The following RIMS1 variants were observed in gnomAD, a reference collection of about 807,000 sequenced individuals.
The protein encoded by RIMS1 is regulating synaptic membrane exocytosis 1, also known as regulating synaptic membrane exocytosis protein 1.
RIMS1 carries 83 observed loss-of-function variants against 214.1 expected under a neutral mutation model. That is an observed-to-expected ratio of 0.39 (90% CI 0.32 to 0.47). RIMS1 has a LOEUF of 0.47. RIMS1 is among the 20% of genes least tolerant of loss of function. The pLI is 0.99. For synonymous variants in RIMS1, 793 were observed against 786.8 expected (o/e 1.01, Z -0.13); for missense variants, 2,050 against 2,161.8 (o/e 0.95, Z 1.03).
intron 22 of RIMS1, among the ~76,000 whole-genome samples, chr6:72,272,236 A>G (rs1399856824): frequency 6.6e-5 from 10 of 152,188 alleles, no homozygotes; most frequent in Admixed American, 5.9e-4. Context: ...AGAGATAAAG[A>G]TTCTAATTTT....
At chr6:72,058,110 A>G (rs1562222066) in intron 2 of RIMS1, among the ~76,000 whole-genome samples, 1 of 152,362 alleles carries the variant, frequency 6.6e-6, no homozygotes, top group East Asian at 1.9e-4. Flanking sequence ...TAGGGAAACC[A>G]GCTGGTCCTC....
At chr6:72,039,882 A>G (rs1408262088) in intron 2 of RIMS1, among the ~76,000 whole-genome samples, 1 of 152,100 alleles carries the variant, frequency 6.6e-6, no homozygotes, top group Non-Finnish European at 1.5e-5. Context: ...TTAATATGGC[A>G]TTCTTTGGTG....
chr6:72,038,717 A>G (rs1261690087), intron 2 of RIMS1, among the ~76,000 whole-genome samples: 6 of 152,170 alleles, frequency 3.9e-5, no homozygotes, highest in Admixed American at 1.3e-4. Flanking sequence ...TTGTTCCTCA[A>G]AGGAAGAGTG....
chr6:72,098,324 A>G (rs769047363), intron 3 of RIMS1, among the ~76,000 whole-genome samples: 164 of 148,246 alleles, frequency 1.1e-3, no homozygotes, highest in Non-Finnish European at 8.6e-4. Flanking sequence ...CTTGAGACAG[A>G]GTCTTGCTCT....
intron 1 of RIMS1, among the ~76,000 whole-genome samples, chr6:71,950,176 G>C (rs76269555): frequency 6.6e-6 from 1 of 152,236 alleles, no homozygotes; most frequent in Non-Finnish European, 1.5e-5. Flanking sequence ...AGATGAAACA[G>C]ACATCATTGA....
chr6:72,245,029 C>T (rs1287175863), intron 10 of RIMS1, among the ~76,000 whole-genome samples: 1 of 151,714 alleles, frequency 6.6e-6, no homozygotes, highest in Non-Finnish European at 1.5e-5. Flanking sequence ...TAAAATAGTC[C>T]TATGCAGTAT....
At chr6:72,077,075 T>C (rs1168080737) in intron 2 of RIMS1, among the ~76,000 whole-genome samples, 2 of 152,182 alleles carry the variant, frequency 1.3e-5, no homozygotes, top group African/African-American at 2.4e-5. Flanking sequence ...CTCTTTCCTG[T>C]CCAGCCTTTG....
chr6:71,982,771 G>A (rs919182614), intron 2 of RIMS1, among the ~76,000 whole-genome samples: 5 of 151,968 alleles, frequency 3.3e-5, no homozygotes, highest in Admixed American at 2.0e-4. Context: ...ATACCCCTTG[G>A]CCTTTTGTCT....
chr6:72,269,247 A>G (rs1260128333), intron 22 of RIMS1, among the ~76,000 whole-genome samples: 7 of 151,870 alleles, frequency 4.6e-5, no homozygotes, highest in Non-Finnish European at 1.0e-4. Flanking sequence ...TACATTACCC[A>G]CCCTGTCACT....
intron 29 of RIMS1, among the ~76,000 whole-genome samples, chr6:72,342,961 A>G (rs2097145780): frequency 1.3e-5 from 2 of 151,822 alleles, no homozygotes; most frequent in African/African-American, 4.8e-5. Context: ...CAAATGAGGT[A>G]TTAACAAATG....
chr6:72,337,710 A>C (rs900509949), intron 29 of RIMS1, among the ~76,000 whole-genome samples: 13 of 149,338 alleles, frequency 8.7e-5, no homozygotes, highest in African/African-American at 3.2e-4. Context: ...ATTTAGCATT[A>C]GGTATATCTC....
chr6:72,304,743 C>T (rs1167998498), intron 26 of RIMS1, among the ~76,000 whole-genome samples: 2 of 151,790 alleles, frequency 1.3e-5, no homozygotes, highest in African/African-American at 4.8e-5. Context: ...CACTAAGGCA[C>T]ATGTCATTGG....
intron 1 of RIMS1, among the ~76,000 whole-genome samples, chr6:71,921,001 G>A (rs1779798584): frequency 6.6e-6 from 1 of 152,172 alleles, no homozygotes; most frequent in Non-Finnish European, 1.5e-5. Context: ...AATAACCAAA[G>A]CCATTCTTCT....
intron 6 of RIMS1, among the ~76,000 whole-genome samples, chr6:72,231,734 T>G (rs926037802): frequency 6.6e-6 from 1 of 151,714 alleles, no homozygotes; most frequent in African/African-American, 2.4e-5. Flanking sequence ...TAAAGTGTGT[T>G]GAGTATCACC....
chr6:72,316,722 G>T (rs1465559050), intron 28 of RIMS1: 2 of 650,234 alleles, frequency 3.1e-6, no homozygotes, highest in Non-Finnish European at 5.9e-6. Context: ...CTAGATCCCA[G>T]AGCAGCCTGG....
intron 2 of RIMS1, among the ~76,000 whole-genome samples, chr6:72,024,115 G>A (rs990818226): frequency 6.6e-6 from 1 of 152,066 alleles, no homozygotes; most frequent in Non-Finnish European, 1.5e-5. Flanking sequence ...GTGAACTTAC[G>A]AAGCAAAGTT....
chr6:72,182,924 C>A lies in RIMS1; in HGVS notation c.1453C>A (p.Arg485=). ...RLDPSSAVLM[R]KAKREKVETM... ...GGACCCCAGCTCGGCGGTCCTCATG[C>A]GGAAGGCCAAGCGCGAGAAGGTGGA... Residue 485 remains arginine, a synonymous_variant, in exon 6 of 34, where the codon CGG becomes AGG. Coordinates refer to ENST00000521978, the MANE Select transcript of RIMS1 (RefSeq NM_014989.7). 6.3e-7 allele frequency: 1 copy of A among 1,583,746 alleles called. No individual in the cohort carries two copies. The highest frequency in any genetic ancestry group is 1.8e-5 in the Admixed American group (1 of 55,578).
chr6:72,167,648 C>G (rs2046442305), intron 4 of RIMS1, among the ~76,000 whole-genome samples: 1 of 151,956 alleles, frequency 6.6e-6, no homozygotes, highest in Non-Finnish European at 1.5e-5. Context: ...TTTTCAGTTT[C>G]TTTTTTGCGT....
intron 4 of RIMS1, among the ~76,000 whole-genome samples, chr6:72,160,247 C>CTT (rs141731716): frequency 0.88 from 121,549 of 138,050 alleles, 55,786 homozygotes; most frequent in East Asian, 1. Flanking sequence ...TATCCTGAGA[C>CTT]TGCTGAAGTT....
Sources: allele counts gnomAD v4.1 joint callset (sites outside exome capture counted in the v4.1 genomes callset), GRCh38; gene constraint gnomAD v4.1.1; transcripts MANE v1.5; gene names NCBI Gene and HGNC (gene_info 2026-07-23, HGNC 2026-07-21).